The following FBXO36 variants were observed in gnomAD, a reference collection of about 807,000 sequenced individuals.
FBXO36 encodes the protein F-box protein 36, also known as F-box only protein 36.
FBXO36 carries 18 observed loss-of-function variants against 17.0 expected under a neutral mutation model. The ratio of observed to expected loss-of-function variants is 1.06; its 90% CI spans 0.73 to 1.57. The LOEUF is 1.57. Ranked by LOEUF, FBXO36 falls within the 40% of genes most tolerant of loss-of-function variation. The probability of loss-of-function intolerance (pLI) is 0.00; values close to 1 mark genes in which losing one functional copy is unlikely to be tolerated. For synonymous variants in FBXO36, 83 were observed against 85.3 expected, an observed-to-expected ratio of 0.97 and a Z score of 0.15; for missense variants, 229 against 221.9, an observed-to-expected ratio of 1.03 and a Z score of -0.20.
intron 1 of FBXO36, among the ~76,000 whole-genome samples, chr2:229,970,035 CTGGA>C (rs2077173211): frequency 6.6e-6 from 1 of 152,124 alleles, no homozygotes; most frequent in African/African-American, 2.4e-5. Flanking sequence ...CCCAGAGAAG[CTGGA>C]TCATTCATAT....
At chr2:229,945,062 A>T (rs560915468) in intron 1 of FBXO36, 4 of 152,296 alleles carry the variant, frequency 2.6e-5, no homozygotes, top group African/African-American at 7.2e-5. Flanking sequence ...ATTTAAGGTA[A>T]ATATGATTTA....
intron 2 of FBXO36, among the ~76,000 whole-genome samples, chr2:229,991,391 T>G (rs186390485): frequency 1.3e-5 from 2 of 152,276 alleles, no homozygotes; most frequent in Admixed American, 1.3e-4. Flanking sequence ...TCTAAGGAAG[T>G]AATTAAGGTT....
At chr2:230,006,384 C>G (rs2077387150) in intron 3 of FBXO36, among the ~76,000 whole-genome samples, 1 of 152,198 alleles carries the variant, frequency 6.6e-6, no homozygotes, top group African/African-American at 2.4e-5. Flanking sequence ...GCGTGAGCCA[C>G]TGCGCCCTGC....
intron 1 of FBXO36, among the ~76,000 whole-genome samples, chr2:229,925,009 C>T (rs1325116897): frequency 2.6e-5 from 4 of 152,144 alleles, no homozygotes; most frequent in Non-Finnish European, 2.9e-5. Flanking sequence ...GCATTACAGG[C>T]GTGAGCCACC....
chr2:229,931,079 A>C (rs1358634998), intron 1 of FBXO36, among the ~76,000 whole-genome samples: 2 of 152,158 alleles, frequency 1.3e-5, no homozygotes, highest in African/African-American at 4.8e-5. Context: ...TTTAGTCAGA[A>C]ATTTTTAATT....
chr2:229,999,431 G>A (rs1209577896), intron 3 of FBXO36, among the ~76,000 whole-genome samples: 1 of 144,566 alleles, frequency 6.9e-6, no homozygotes, highest in African/African-American at 2.6e-5. Context: ...CCGGCCTTAA[G>A]TAATATAATC....
chr2:230,004,914 G>T (rs1015244459), intron 3 of FBXO36, among the ~76,000 whole-genome samples: 1 of 152,148 alleles, frequency 6.6e-6, no homozygotes, highest in African/African-American at 2.4e-5. Context: ...GCTGAGGCAG[G>T]AGAATCGCTT....
rs74794441 is a variant in FBXO36 at position 229,922,533 on chromosome 2, A to T, written c.20A>T (p.Glu7Val). 3 of 1,613,760 alleles carry T rather than the reference A, an allele frequency of 1.9e-6. No individual in the cohort carries two copies. Among genetic ancestry groups the T allele is most frequent in the Non-Finnish European group, 2.5e-6 (3 of 1,179,934 alleles). The change falls in exon 1 of 4, where the codon GAG (glutamate) becomes GTG (valine). Residue 7 changes from glutamate to valine, a missense_variant. By Grantham distance (121) the Glu-to-Val change is moderately radical. Transcript: ENST00000283946. The stretch of plus-strand genomic sequence containing the variant: ...CCCAAGATGGCGTCGTGGCTGCCGG[A>T]GACTCTCTTTGAAACTGTAGGACAA... Reference protein sequence around the residue: MASWLPETLFETVGQGP... With the variant: MASWLPVTLFETVGQGP...
intron 1 of FBXO36, among the ~76,000 whole-genome samples, chr2:229,971,271 C>A (rs1264196729): frequency 1.3e-5 from 2 of 151,484 alleles, no homozygotes; most frequent in Non-Finnish European, 1.5e-5. Flanking sequence ...AAGAGAATTG[C>A]TTGAACCCAG....
chr2:229,967,986 G>A (rs1224388138), intron 1 of FBXO36, among the ~76,000 whole-genome samples: 2 of 151,982 alleles, frequency 1.3e-5, no homozygotes, highest in Non-Finnish European at 2.9e-5. Flanking sequence ...GGTAGAATTC[G>A]GCTGTGAATC....
intron 3 of FBXO36, among the ~76,000 whole-genome samples, chr2:229,999,513 A>G (rs999590868): frequency 6.7e-6 from 1 of 148,516 alleles, no homozygotes; most frequent in Non-Finnish European, 1.5e-5. Flanking sequence ...ATATATATAT[A>G]TATGTATGTG....
intron 1 of FBXO36, among the ~76,000 whole-genome samples, chr2:229,940,652 A>G (rs1446285408): frequency 6.6e-6 from 1 of 152,162 alleles, no homozygotes; most frequent in Non-Finnish European, 1.5e-5. Flanking sequence ...TGGTGTCCTT[A>G]TGTGAAGACA....
Position 229,922,510 on chromosome 2 carries a change from C to T in FBXO36, c.-4C>T. The T allele has an allele frequency of 1.2e-6, 2 of 1,614,006 alleles. No homozygotes were observed. The highest frequency in any genetic ancestry group is 8.5e-7 in the Non-Finnish European group (1 of 1,179,982). Reference sequence around the variant, plus strand: ...TGTCTTAGCGACGGCGGTGGCGTCCCAAGATGGCGTCGTGGCTGCCGGAGA... The same window carrying T: ...TGTCTTAGCGACGGCGGTGGCGTCCTAAGATGGCGTCGTGGCTGCCGGAGA... On this transcript the variant is annotated 5_prime_UTR_variant, in exon 1 of 4. Transcript: ENST00000283946.
At chr2:229,925,253 TGA>T (rs1560427157) in intron 1 of FBXO36, among the ~76,000 whole-genome samples, 1 of 152,158 alleles carries the variant, frequency 6.6e-6, no homozygotes. Flanking sequence ...CTTCTACCAG[TGA>T]GAGTTAATCT....
chr2:229,953,978 G>C (rs2077070610), intron 1 of FBXO36, among the ~76,000 whole-genome samples: 1 of 151,908 alleles, frequency 6.6e-6, no homozygotes, highest in South Asian at 2.1e-4. Flanking sequence ...GGATACATAT[G>C]CCTCAGCCTT....
chr2:229,940,599 T>C (rs1167055913), intron 1 of FBXO36, among the ~76,000 whole-genome samples: 2 of 152,136 alleles, frequency 1.3e-5, no homozygotes, highest in Non-Finnish European at 2.9e-5. Context: ...TTAGTTAAAA[T>C]GAGATCCTGC....
At chr2:229,963,065 C>T (rs1263232521) in intron 1 of FBXO36, among the ~76,000 whole-genome samples, 4 of 151,682 alleles carry the variant, frequency 2.6e-5, no homozygotes, top group African/African-American at 9.7e-5. Context: ...TATTGCTTGA[C>T]CCAGGTTGCT....
intron 2 of FBXO36, among the ~76,000 whole-genome samples, chr2:229,978,591 AAATAAT>A (rs751071822): frequency 1.3e-5 from 2 of 151,838 alleles, no homozygotes; most frequent in African/African-American, 4.8e-5. Flanking sequence ...CCATCTCAAA[AAATAAT>A]AATAATAATA....
chr2:229,935,676 T>A (rs539695929), intron 1 of FBXO36, among the ~76,000 whole-genome samples: 1 of 152,322 alleles, frequency 6.6e-6, no homozygotes, highest in South Asian at 2.1e-4. Context: ...AGTCTTCCTG[T>A]CCTTACATTA....
Sources: allele counts gnomAD v4.1 joint callset (sites outside exome capture counted in the v4.1 genomes callset), GRCh38; gene constraint gnomAD v4.1.1; transcripts MANE v1.5; gene names NCBI Gene and HGNC (gene_info 2026-07-23, HGNC 2026-07-21).